COX5A: variants seen among roughly 807,000 people sequenced by gnomAD.
COX5A encodes the protein cytochrome c oxidase subunit 5A, also known as cytochrome c oxidase subunit 5A, mitochondrial.
COX5A carries 6 observed loss-of-function variants against 16.1 expected under a neutral mutation model. That is an observed-to-expected ratio of 0.37 (90% confidence interval 0.20 to 0.73). The LOEUF is 0.73. Among genes scored for constraint, COX5A ranks in the 30% least tolerant of loss-of-function variants. The pLI is 0.50. For missense variants in COX5A, 159 were observed against 194.9 expected (o/e 0.82, Z 1.10); for synonymous variants, 73 against 73.8 (o/e 0.99, Z 0.06).
chr15:74,925,395 A>G (rs2065338980), intron 3 of COX5A, among the ~76,000 whole-genome samples: 1 of 151,992 alleles, frequency 6.6e-6, no homozygotes, highest in South Asian at 2.1e-4. Flanking sequence ...ATGTATATAT[A>G]TATTTTTTGA....
At position 74,919,804 on chromosome 15, in the gene COX5A, G is replaced by C. The variant is rs2065312410; in HGVS notation, c.*648C>G. ...AGACAAGCAGGATTTGTTTTACTCA[G>C]CTGTTTAATCAGAATGCCTCCAAAT... is the stretch of plus-strand genomic sequence containing the variant. On this transcript the variant is annotated 3_prime_UTR_variant, in exon 5 of 5. Transcript: ENST00000322347. 1 of 152,234 alleles carries C rather than the reference G, an allele frequency of 6.6e-6. No homozygotes were observed. The highest frequency in any genetic ancestry group is 1.5e-5 in the Non-Finnish European group (1 of 68,104). 9.4% of individuals were successfully genotyped at this position (152,234 alleles called of 1,614,324 possible).
chr15:74,920,767 T>C (rs545794456), intron 4 of COX5A, among the ~76,000 whole-genome samples: 15 of 152,194 alleles, frequency 9.9e-5, no homozygotes, highest in African/African-American at 2.4e-4. Flanking sequence ...TGCCTGAGCA[T>C]AGAAGTTCAA....
intron 4 of COX5A, among the ~76,000 whole-genome samples, chr15:74,920,909 G>GGA: frequency 6.6e-6 from 1 of 151,736 alleles, no homozygotes; most frequent in Admixed American, 6.6e-5. Flanking sequence ...ACCGGGAGGC[G>GGA]GAGGTTGGAG....
chr15:74,930,623 C>T (rs1287278209), intron 1 of COX5A, among the ~76,000 whole-genome samples: 2 of 150,836 alleles, frequency 1.3e-5, no homozygotes, highest in Non-Finnish European at 3.0e-5. Context: ...TTCCTTCCTC[C>T]CTTGGCTCCC....
intron 1 of COX5A, among the ~76,000 whole-genome samples, chr15:74,931,392 G>A (rs1256083500): frequency 1.3e-5 from 2 of 151,418 alleles, no homozygotes; most frequent in Non-Finnish European, 2.9e-5. Context: ...TCTCAGCTAC[G>A]CGAGAGACTG....
intron 4 of COX5A, among the ~76,000 whole-genome samples, chr15:74,922,938 AGCCACTGTGCCCAGC>A (rs2065328151): frequency 6.6e-6 from 1 of 151,892 alleles, no homozygotes; most frequent in Admixed American, 6.6e-5. Context: ...TACAGGCGTG[AGCCACTGTGCCCAGC>A]CCAAATAGAA....
At chr15:74,930,900 C>A (rs563031384) in intron 1 of COX5A, among the ~76,000 whole-genome samples, 1 of 149,564 alleles carries the variant, frequency 6.7e-6, no homozygotes, top group South Asian at 2.1e-4. Context: ...GCCTGTGGTC[C>A]CACCTAGTTG....
chr15:74,936,887 C>T (rs573020145), intron 1 of COX5A, among the ~76,000 whole-genome samples: 118 of 152,196 alleles, frequency 7.8e-4, no homozygotes, highest in African/African-American at 2.8e-3. Flanking sequence ...CCTCGGCCTA[C>T]CAAAGTGCTG....
intron 1 of COX5A, among the ~76,000 whole-genome samples, chr15:74,934,404 C>T (rs2065380073): frequency 6.6e-6 from 1 of 151,508 alleles, no homozygotes; most frequent in Non-Finnish European, 1.5e-5. Flanking sequence ...AATCTCAGCT[C>T]ACTGCAAGCT....
chr15:74,926,168 T>C (rs911010509), intron 3 of COX5A, among the ~76,000 whole-genome samples: 8 of 151,362 alleles, frequency 5.3e-5, no homozygotes, highest in African/African-American at 1.9e-4. Context: ...GCCTCCTGAG[T>C]AGCTGGGACT....
chr15:74,926,749 A>G lies in COX5A; in HGVS notation c.339+17T>C. On this transcript the variant is annotated intron_variant, in intron 3 of 4. Transcript: ENST00000322347. ...CACTCATTTACAGAACAATTTTAGC[A>G]TTATTATTTCACTGACCTTAACAAC... 2 of 1,600,574 alleles carry G rather than the reference A, an allele frequency of 1.2e-6. No homozygotes were observed. Among genetic ancestry groups the G allele is most frequent in the Non-Finnish European group, 1.7e-6 (2 of 1,174,022 alleles).
At position 74,938,044 on chromosome 15, in the gene COX5A, C is replaced by G; in HGVS notation, c.-30G>C. 4.1e-6 allele frequency: 5 copies of G among 1,215,842 alleles called. No homozygotes were observed. Among genetic ancestry groups the G allele is most frequent in the Non-Finnish European group, 5.1e-6 (5 of 974,304 alleles). 75.3% of individuals were successfully genotyped at this position (1,215,842 alleles called of 1,614,324 possible). A position where few individuals can be genotyped will look rare whatever the true frequency, so the allele number is the denominator to read the frequency against. On this transcript the variant is annotated 5_prime_UTR_variant, in exon 1 of 5. Coordinates refer to ENST00000322347, the MANE Select transcript of COX5A (RefSeq NM_004255.4). Reference sequence around the variant, plus strand: ...GCGATGGCGGCGCGCGGGCTGAGGACAGAGAGAAGCCGGTGTAAGCTCGCG... The same window carrying G: ...GCGATGGCGGCGCGCGGGCTGAGGAGAGAGAGAAGCCGGTGTAAGCTCGCG...
intron 3 of COX5A, among the ~76,000 whole-genome samples, chr15:74,925,688 G>A (rs1566978424): frequency 1.3e-5 from 2 of 150,716 alleles, no homozygotes; most frequent in Non-Finnish European, 3.0e-5. Context: ...GTGCCCAGCC[G>A]ACACAAATAT....
At chr15:74,920,928 G>A (rs1341638049) in intron 4 of COX5A, among the ~76,000 whole-genome samples, 1 of 151,830 alleles carries the variant, frequency 6.6e-6, no homozygotes, top group Non-Finnish European at 1.5e-5. Context: ...AGTGGGCCGA[G>A]ATCGCTTCAT....
At chr15:74,926,692 A>G (rs2065346091) in intron 3 of COX5A, 74 bp downstream of exon 3, 1 of 1,485,524 alleles carries the variant, frequency 6.7e-7, no homozygotes, top group African/African-American at 1.4e-5. Flanking sequence ...AAATTCAAAA[A>G]TACAGAATAT....
chr15:74,921,921 C>G (rs1219739604), intron 4 of COX5A, among the ~76,000 whole-genome samples: 1 of 152,116 alleles, frequency 6.6e-6, no homozygotes. Flanking sequence ...TTGCTTTTGG[C>G]TCACACCTGA....
At chr15:74,923,833 A>C in intron 3 of COX5A, 63 bp from the exon 4 acceptor site, 1 of 1,090,944 alleles carries the variant, frequency 9.2e-7, no homozygotes, top group East Asian at 2.4e-5. Flanking sequence ...AATTCATGAA[A>C]TGAACTTAAA....
chr15:74,929,458 C>T (rs2065357177), intron 1 of COX5A, among the ~76,000 whole-genome samples: 2 of 152,120 alleles, frequency 1.3e-5, no homozygotes, highest in Non-Finnish European at 1.5e-5. Flanking sequence ...TACTTTTCTC[C>T]CTAATGTATA....
intron 4 of COX5A, among the ~76,000 whole-genome samples, chr15:74,923,357 C>T (rs986860071): frequency 1.3e-5 from 2 of 151,166 alleles, no homozygotes; most frequent in African/African-American, 2.4e-5. Flanking sequence ...GAGGCTGCAG[C>T]GAGCCTAGAT....
Sources: allele counts gnomAD v4.1 joint callset (sites outside exome capture counted in the v4.1 genomes callset), GRCh38; gene constraint gnomAD v4.1.1; transcripts MANE v1.5; gene names NCBI Gene and HGNC (gene_info 2026-07-23, HGNC 2026-07-21).